CNTN5: variants seen among roughly 807,000 people sequenced by gnomAD.
The protein encoded by CNTN5 is contactin-5.
Under a neutral mutation model 129.1 loss-of-function variants are expected in CNTN5, and 77 were observed. That is an observed-to-expected ratio of 0.60 (90% CI 0.50 to 0.72). The LOEUF (loss-of-function observed/expected upper bound fraction) is 0.72. CNTN5 is among the 30% of genes least tolerant of loss of function. The pLI is 0.00. For synonymous variants in CNTN5, 509 were observed against 465.6 expected (o/e 1.09, Z -1.20); for missense variants, 1,478 against 1,328.8 (o/e 1.11, Z -1.75).
chr11:99,702,903 G>GA (rs1435085994), intron 3 of CNTN5, among the ~76,000 whole-genome samples: 1 of 150,950 alleles, frequency 6.6e-6, no homozygotes, highest in African/African-American at 2.4e-5. Context: ...ATAGCCTCTA[G>GA]AAAGGATCTA....
At chr11:99,836,625 C>T (rs1042529792) in intron 4 of CNTN5, among the ~76,000 whole-genome samples, 3 of 152,026 alleles carry the variant, frequency 2.0e-5, no homozygotes, top group African/African-American at 7.3e-5. Flanking sequence ...GTCTTTATAG[C>T]AGCATGATTT....
intron 9 of CNTN5, among the ~76,000 whole-genome samples, chr11:100,034,394 A>T (rs892889773): frequency 6.6e-6 from 1 of 152,244 alleles, no homozygotes; most frequent in Non-Finnish European, 1.5e-5. Context: ...TCCAGTATCA[A>T]GTCTTGTTAG....
chr11:99,827,105 C>T (rs896358802), intron 4 of CNTN5, among the ~76,000 whole-genome samples: 6 of 151,910 alleles, frequency 3.9e-5, no homozygotes, highest in Non-Finnish European at 4.4e-5. Context: ...TGTTTTAATG[C>T]GAGACAGGGC....
chr11:99,376,527 T>C (rs1940189603), intron 2 of CNTN5, among the ~76,000 whole-genome samples: 1 of 152,170 alleles, frequency 6.6e-6, no homozygotes, highest in African/African-American at 2.4e-5. Context: ...AGTTTACTTT[T>C]GAAAGCAAGT....
chr11:99,554,733 T>G (rs1415371726), intron 2 of CNTN5, among the ~76,000 whole-genome samples: 5 of 152,116 alleles, frequency 3.3e-5, no homozygotes, highest in Non-Finnish European at 4.4e-5. Context: ...GCAGTTCTCA[T>G]GAGTCATAAT....
intron 1 of CNTN5, among the ~76,000 whole-genome samples, chr11:99,284,736 T>C (rs1308119770): frequency 6.6e-6 from 1 of 151,568 alleles, no homozygotes; most frequent in Non-Finnish European, 1.5e-5. Context: ...TAGTCTTCCC[T>C]AAAAGACTGA....
intron 4 of CNTN5, among the ~76,000 whole-genome samples, chr11:99,826,266 T>C (rs1212753245): frequency 6.6e-6 from 1 of 152,196 alleles, no homozygotes; most frequent in Non-Finnish European, 1.5e-5. Flanking sequence ...AAATGTCTTA[T>C]AATGACATTT....
intron 16 of CNTN5, chr11:100,225,596 G>A (rs1949355243): frequency 6.6e-6 from 1 of 151,788 alleles, no homozygotes; most frequent in Admixed American, 6.6e-5. Flanking sequence ...GCATACAGAT[G>A]TATAACTTAA....
chr11:100,063,829 G>A (rs1187298874), intron 10 of CNTN5, among the ~76,000 whole-genome samples: 1 of 152,054 alleles, frequency 6.6e-6, no homozygotes, highest in Non-Finnish European at 1.5e-5. Context: ...CAACGCTGCG[G>A]TGAACCATTA....
intron 4 of CNTN5, 31 bp from the exon 5 acceptor site, chr11:99,844,821 A>T (rs772731138): frequency 6.3e-7 from 1 of 1,581,962 alleles, no homozygotes; most frequent in East Asian, 2.3e-5. Flanking sequence ...AGTTTAAGGA[A>T]ATTTAAAATG....
chr11:99,690,107 A>G (rs1953977157), intron 3 of CNTN5, among the ~76,000 whole-genome samples: 1 of 152,098 alleles, frequency 6.6e-6, no homozygotes, highest in Admixed American at 6.5e-5. Flanking sequence ...ATTTTTGTAT[A>G]TGGTGTAAGG....
intron 1 of CNTN5, among the ~76,000 whole-genome samples, chr11:99,044,197 C>T (rs189494843): frequency 4.6e-5 from 7 of 151,996 alleles, no homozygotes; most frequent in Admixed American, 3.9e-4. Context: ...GGGTCTGGGA[C>T]AAGAATATAT....
intron 13 of CNTN5, among the ~76,000 whole-genome samples, chr11:100,099,462 T>C (rs1370914223): frequency 2.0e-5 from 3 of 152,166 alleles, no homozygotes; most frequent in Admixed American, 1.3e-4. Flanking sequence ...GCATGCATGC[T>C]GACATTTAAT....
intron 6 of CNTN5, among the ~76,000 whole-genome samples, chr11:99,908,676 A>G (rs543097645): frequency 5.9e-4 from 90 of 152,178 alleles, no homozygotes; most frequent in African/African-American, 2.1e-3. Flanking sequence ...ATTAGTTATC[A>G]TTTGTATTAT....
chr11:100,172,128 C>A (rs1895124), intron 13 of CNTN5, among the ~76,000 whole-genome samples: 19,481 of 151,818 alleles, frequency 0.13, 1,235 homozygotes, highest in African/African-American at 0.14. Flanking sequence ...AAAATGCAAA[C>A]GCAGTTTGCA....
intron 1 of CNTN5, among the ~76,000 whole-genome samples, chr11:99,295,882 CAAAA>C (rs34180493): frequency 2.0e-5 from 1 of 51,022 alleles, no homozygotes; most frequent in Non-Finnish European, 4.0e-5. Context: ...GACTCCGTCT[CAAAA>C]AAAAAAAAAA....
intron 2 of CNTN5, among the ~76,000 whole-genome samples, chr11:99,484,997 T>C (rs1346026466): frequency 2.0e-5 from 3 of 152,266 alleles, no homozygotes; most frequent in South Asian, 2.1e-4. Context: ...AATAGGTTAG[T>C]GTCCTGTAGC....
At chr11:99,957,259 G>GAATCTGATAA (rs1950828411) in intron 8 of CNTN5, among the ~76,000 whole-genome samples, 1 of 152,144 alleles carries the variant, frequency 6.6e-6, no homozygotes. Flanking sequence ...AAGGGAGAAA[G>GAATCTGATAA]AATCTGATAA....
At chr11:100,109,482 G>T (rs1945572199) in intron 13 of CNTN5, among the ~76,000 whole-genome samples, 1 of 152,142 alleles carries the variant, frequency 6.6e-6, no homozygotes, top group Admixed American at 6.6e-5. Context: ...CTGGATGATA[G>T]TATTTCAGGC....
Sources: gnomAD v4.1 joint callset for allele counts (sites outside exome capture counted in the v4.1 genomes callset) on GRCh38, gnomAD v4.1.1 for gene constraint, MANE v1.5 for transcripts, NCBI Gene and HGNC (gene_info 2026-07-23, HGNC 2026-07-21) for gene names.